Variants in MYBL2 observed in about 807,000 individuals in gnomAD.
MYBL2 encodes the protein MYB proto-oncogene like 2.
In MYBL2, 28 loss-of-function variants were observed where a neutral mutation model predicts 79.9. The ratio of observed to expected loss-of-function variants is 0.35; its 90% CI spans 0.26 to 0.48. MYBL2 has a LOEUF of 0.48. MYBL2 is among the 20% of genes least tolerant of loss of function. The probability of loss-of-function intolerance (pLI) is 0.99; values close to 1 mark genes in which losing one functional copy is unlikely to be tolerated. For missense variants in MYBL2, 735 were observed against 893.9 expected (o/e 0.82, Z 2.27); for synonymous variants, 378 against 361.2 (o/e 1.05, Z -0.53).
At chr20:43,698,725 G>A (rs1271406152) in intron 6 of MYBL2, among the ~76,000 whole-genome samples, 2 of 144,136 alleles carry the variant, frequency 1.4e-5, no homozygotes, top group Non-Finnish European at 3.0e-5. Context: ...CTGTAGTGCA[G>A]TGGCGTGATC....
In MYBL2 at chr20:43,711,483, C is replaced by T; in HGVS notation, c.1606-5C>T. 6.2e-7 allele frequency: 1 copy of T among 1,610,050 alleles called. No homozygotes were observed. The highest frequency in any genetic ancestry group is 8.5e-7 in the Non-Finnish European group (1 of 1,177,970). ...TCACGTGGGCTGCCCCGTGCCTACC[C>T]ACAGCCACAGACCCCGCACCTGGAG... On this transcript the variant is annotated splice_polypyrimidine_tract_variant and splice_region_variant and intron_variant, in intron 10 of 13. Coordinates refer to ENST00000217026, the MANE Select transcript of MYBL2 (RefSeq NM_002466.4).
At chr20:43,710,808 G>A (rs1452692717) in intron 10 of MYBL2, among the ~76,000 whole-genome samples, 1 of 152,302 alleles carries the variant, frequency 6.6e-6, no homozygotes, top group East Asian at 1.9e-4. Context: ...TACATGAGCC[G>A]AGGTGAGGCA....
chr20:43,672,711 C>A (rs1986895816), intron 1 of MYBL2, among the ~76,000 whole-genome samples: 1 of 152,106 alleles, frequency 6.6e-6, no homozygotes, highest in Non-Finnish European at 1.5e-5. Flanking sequence ...TATGCCACTA[C>A]ATTCCAGTCT....
chr20:43,684,382 G>A (rs893195272), intron 4 of MYBL2, among the ~76,000 whole-genome samples: 22 of 151,788 alleles, frequency 1.4e-4, no homozygotes, highest in African/African-American at 5.1e-4. Flanking sequence ...GATTACAGGC[G>A]CCTGCCACCA....
chr20:43,712,448 G>C (rs1274187648), intron 11 of MYBL2, among the ~76,000 whole-genome samples: 1 of 152,124 alleles, frequency 6.6e-6, no homozygotes, highest in Non-Finnish European at 1.5e-5. Flanking sequence ...TGTGAGCCAT[G>C]GCAGCCCCTG....
chr20:43,696,625 G>A lies in MYBL2; in HGVS notation c.664-3132G>A, dbSNP rs568802432. On this transcript the variant is annotated intron_variant, in intron 6 of 13. Coordinates refer to ENST00000217026, the MANE Select transcript of MYBL2 (RefSeq NM_002466.4). ...GATCTCCAACATTCCTGAATTTGCCGTATCTTATTTAACCATTATATTGTC... is the reference window on the plus strand; with the variant it reads ...GATCTCCAACATTCCTGAATTTGCCATATCTTATTTAACCATTATATTGTC... 2.0e-4 allele frequency among the ~76,000 whole-genome samples: 30 copies of A among 152,386 alleles called. No individual in the cohort carries two copies. The South Asian group carries it at 5.0e-3, about 25-fold the overall frequency.
Position 43,715,234 on chromosome 20 carries a change from A to G in MYBL2, c.1925A>G (p.Lys642Arg). ...GGCTTCTTGCAGGCCAAGCCCGAGA[A>G]GGCAGCAGTGGCCCAGAAGCCCCGA... ...NQGFLQAKPE[K>R]AAVAQKPRSH... Residue 642 changes from lysine (K) to arginine (R), a missense_variant, in exon 13 of 14, where the codon AAG becomes AGG. Coordinates refer to ENST00000217026, the MANE Select transcript of MYBL2 (RefSeq NM_002466.4). 6.2e-7 allele frequency: 1 copy of G among 1,614,246 alleles called. No individual in the cohort carries two copies. The highest frequency in any genetic ancestry group is 8.5e-7 in the Non-Finnish European group (1 of 1,180,054).
At chr20:43,676,367 G>A (rs1319667448) in intron 2 of MYBL2, among the ~76,000 whole-genome samples, 3 of 151,702 alleles carry the variant, frequency 2.0e-5, no homozygotes, top group Non-Finnish European at 4.4e-5. Flanking sequence ...GAGAATATGC[G>A]GTATTTGGTT....
intron 8 of MYBL2, among the ~76,000 whole-genome samples, chr20:43,704,775 A>G (rs113873671): frequency 6.6e-6 from 1 of 152,172 alleles, no homozygotes; most frequent in Admixed American, 6.5e-5. Flanking sequence ...AATTGAAATT[A>G]TTTGTGTGAA....
chr20:43,702,600 A>T lies in MYBL2; in HGVS notation c.1062A>T (p.Gln354His). 2.5e-6 allele frequency: 4 copies of T among 1,614,204 alleles called. No individual in the cohort carries two copies. Among genetic ancestry groups the T allele is most frequent in the Non-Finnish European group, 3.4e-6 (4 of 1,180,036 alleles). ...AGCTGCAAGCGTCACATCAGCAGCA[A>T]GTCCTGCCACCCCGCCAGCCTTCCG... ...LVQLQASHQQ[Q>H]VLPPRQPSAL... Residue 354 changes from glutamine (Q) to histidine (H), a missense_variant, in exon 8 of 14, where the codon CAA (glutamine) becomes CAT (histidine). Gln to His is a conservative substitution (Grantham distance 24). Coordinates refer to ENST00000217026, the MANE Select transcript of MYBL2 (RefSeq NM_002466.4).
chr20:43,673,743 G>A (rs1348660003), intron 1 of MYBL2, 63 bp from the exon 2 acceptor site: 34 of 1,523,154 alleles, frequency 2.2e-5, no homozygotes, highest in Admixed American at 3.5e-5. Flanking sequence ...CTGCCTACAC[G>A]TTCTCCATTA....
chr20:43,696,058 T>C (rs1987533121), intron 6 of MYBL2, among the ~76,000 whole-genome samples: 1 of 152,122 alleles, frequency 6.6e-6, no homozygotes, highest in South Asian at 2.1e-4. Context: ...TTTTGTTAGA[T>C]TGCTGCCAGA....
intron 8 of MYBL2, 141 bp from the exon 9 acceptor site, chr20:43,705,078 G>A: frequency 9.4e-7 from 1 of 1,060,188 alleles, no homozygotes; most frequent in Non-Finnish European, 1.3e-6. Context: ...TCGGGTGTCT[G>A]ATGGGTCAAG....
At chr20:43,715,719 TGCACGGGGCGGGCA>T (rs1405353633) in intron 13 of MYBL2, among the ~76,000 whole-genome samples, 1 of 152,222 alleles carries the variant, frequency 6.6e-6, no homozygotes, top group African/African-American at 2.4e-5. Flanking sequence ...AGGCTGGTGC[TGCACGGGGCGGGCA>T]GTGCATGGCC....
chr20:43,704,353 A>C (rs1472880961), intron 8 of MYBL2, among the ~76,000 whole-genome samples: 1 of 152,180 alleles, frequency 6.6e-6, no homozygotes, highest in African/African-American at 2.4e-5. Context: ...CCAAGTATTA[A>C]TACAGTCCCA....
At chr20:43,700,713 C>A (rs1170292886) in intron 7 of MYBL2, among the ~76,000 whole-genome samples, 1 of 152,146 alleles carries the variant, frequency 6.6e-6, no homozygotes, top group East Asian at 1.9e-4. Context: ...CCTAGAACAT[C>A]TAACTGCCAG....
chr20:43,699,666 T>A, intron 6 of MYBL2, 91 bp from the exon 7 acceptor site: 4 of 1,380,400 alleles, frequency 2.9e-6, no homozygotes, highest in Non-Finnish European at 4.0e-6. Context: ...CACAGTTTCC[T>A]TCTTAGATTC....
chr20:43,700,186 A>G, intron 7 of MYBL2, 142 bp downstream of exon 7: 1 of 1,133,868 alleles, frequency 8.8e-7, no homozygotes, highest in East Asian at 2.5e-5. Flanking sequence ...CCCTGACCCA[A>G]GGGCTGGGGA....
At chr20:43,699,458 G>T (rs1451485479) in intron 6 of MYBL2, among the ~76,000 whole-genome samples, 5 of 152,094 alleles carry the variant, frequency 3.3e-5, no homozygotes, top group African/African-American at 1.2e-4. Flanking sequence ...TTCAATCCAG[G>T]GAATTTAAGC....
Sources: gnomAD v4.1 joint callset for allele counts (sites outside exome capture counted in the v4.1 genomes callset) on GRCh38, gnomAD v4.1.1 for gene constraint, MANE v1.5 for transcripts, NCBI Gene and HGNC (gene_info 2026-07-23, HGNC 2026-07-21) for gene names.